OTUD7B: variants seen among roughly 807,000 people sequenced by gnomAD.
OTUD7B encodes the protein OTU domain-containing protein 7B.
In OTUD7B, 34 loss-of-function variants were observed where a neutral mutation model predicts 82.2. The ratio of observed to expected loss-of-function variants is 0.41; its 90% CI spans 0.31 to 0.55. OTUD7B has a LOEUF of 0.55. Ranked by LOEUF, OTUD7B falls within the 20% of genes least tolerant of loss-of-function variation. The probability of loss-of-function intolerance (pLI) is 0.20; values close to 1 mark genes in which losing one functional copy is unlikely to be tolerated. For synonymous variants in OTUD7B, 398 were observed against 402.7 expected, an observed-to-expected ratio of 0.99 and a Z score of 0.14; for missense variants, 944 against 1,062.1, an observed-to-expected ratio of 0.89 and a Z score of 1.55.
At chr1:149,986,996 A>G (rs1651195394) in intron 1 of OTUD7B, among the ~76,000 whole-genome samples, 1 of 152,226 alleles carries the variant, frequency 6.6e-6, no homozygotes, top group Non-Finnish European at 1.5e-5. Context: ...ACTAAATGTT[A>G]CAATCCAGAA....
At chr1:149,951,995 CCCAA>C (rs1553773579) in intron 7 of OTUD7B, among the ~76,000 whole-genome samples, 13 of 151,834 alleles carry the variant, frequency 8.6e-5, no homozygotes, top group Admixed American at 2.0e-4. Flanking sequence ...CAGGAATGCA[CCCAA>C]AGCTACTCCT....
At chr1:149,959,003 C>G (rs1648935362) in intron 7 of OTUD7B, among the ~76,000 whole-genome samples, 1 of 151,914 alleles carries the variant, frequency 6.6e-6, no homozygotes, top group South Asian at 2.1e-4. Context: ...GGGTGGATCA[C>G]TTGAGGCCAG....
At chr1:150,000,346 G>C (rs111682148) in intron 1 of OTUD7B, among the ~76,000 whole-genome samples, 1 of 151,936 alleles carries the variant, frequency 6.6e-6, no homozygotes, top group African/African-American at 2.4e-5. Flanking sequence ...GTGGTAGCGC[G>C]CACCTGTAGT....
intron 3 of OTUD7B, among the ~76,000 whole-genome samples, chr1:149,969,906 A>T (rs1445380868): frequency 6.6e-6 from 1 of 151,932 alleles, no homozygotes; most frequent in Non-Finnish European, 1.5e-5. Context: ...TTCACCATGT[A>T]GGCCAGGCTG....
chr1:150,066,990 G>A, the OTUD7B span: 16,112 of 152,228 alleles, frequency 0.11, 1,201 homozygotes, highest in Non-Finnish European at 0.16. This position sits in a 1 kb window ranked among gnomAD's most constrained non-coding sequence, Gnocchi z 4.6. Flanking sequence ...GAGTCCCGCC[G>A]GAGTTAGAGC....
the OTUD7B span, among the ~76,000 whole-genome samples, chr1:150,040,713 C>CTTTTTTTT: frequency 2.1e-5 from 3 of 145,462 alleles, 1 homozygote; most frequent in Admixed American, 6.9e-5. Flanking sequence ...CTTTTCTTTC[C>CTTTTTTTT]TTTTTTTTTT....
At chr1:150,041,153 A>C in the OTUD7B span, among the ~76,000 whole-genome samples, 22,729 of 151,912 alleles carry the variant, frequency 0.15, 1,868 homozygotes, top group African/African-American at 0.18. Context: ...ATTTTTTTTA[A>C]TATCTTAGAT....
At chr1:150,013,261 G>A (rs1301440616), upstream of OTUD7B, among the ~76,000 whole-genome samples, 1 of 152,204 alleles carries the variant, frequency 6.6e-6, no homozygotes, top group Admixed American at 6.5e-5. Context: ...TCTAAGGGCT[G>A]CTTCAAGGAG....
At chr1:150,020,866 C>G in the OTUD7B span, among the ~76,000 whole-genome samples, 2 of 152,140 alleles carry the variant, frequency 1.3e-5, no homozygotes, top group African/African-American at 2.4e-5. Flanking sequence ...TAAATAACAA[C>G]TGACACTTGT....
intron 1 of OTUD7B, among the ~76,000 whole-genome samples, chr1:149,998,525 T>A (rs892506668): frequency 1.4e-4 from 21 of 152,242 alleles, no homozygotes; most frequent in African/African-American, 4.6e-4. Context: ...CCACCTTGAA[T>A]GTTTCCCCGC....
chr1:149,949,260 A>G lies in OTUD7B; in HGVS notation c.1124-177T>C, dbSNP rs1648000928. Among the ~76,000 whole-genome samples the G allele has an allele frequency of 2.6e-5, 4 of 152,246 alleles. No homozygotes were observed. In the South Asian group the frequency reaches 6.2e-4, roughly 24 times the overall value. On this transcript the variant is annotated intron_variant, in intron 9 of 11. Coordinates refer to ENST00000581312, the MANE Select transcript of OTUD7B (RefSeq NM_020205.4). Reference sequence around the variant, plus strand: ...GCTAGTTTTCCCGCTACCACGCAGCATATGTTTTAGGCCACAAATCTCCCT... The same window carrying G: ...GCTAGTTTTCCCGCTACCACGCAGCGTATGTTTTAGGCCACAAATCTCCCT...
chr1:149,984,307 T>C (rs1044414689), intron 1 of OTUD7B, among the ~76,000 whole-genome samples: 3 of 152,178 alleles, frequency 2.0e-5, no homozygotes, highest in Non-Finnish European at 4.4e-5. Context: ...TCCTATTTGT[T>C]GGCGGTTACT....
chr1:149,956,973 G>T (rs980439087), intron 7 of OTUD7B, among the ~76,000 whole-genome samples: 1 of 152,118 alleles, frequency 6.6e-6, no homozygotes, highest in African/African-American at 2.4e-5. Flanking sequence ...TTTGCGATGG[G>T]TTCGAACATC....
At position 149,943,981 on chromosome 1, in the gene OTUD7B, T is replaced by C. The variant is rs1647457526; in HGVS notation, c.2408A>G (p.Lys803Arg). Residue 803 changes from lysine (K) to arginine (R), a missense_variant, in exon 12 of 12, where the codon AAA (lysine) becomes AGA (arginine). Lys to Arg is a conservative substitution (Grantham distance 26, BLOSUM62 2). Around this residue, in one of 3 missense-constraint regions of OTUD7B, gnomAD observed 412 missense variants for 418.7 expected, o/e 0.98. Coordinates refer to ENST00000581312, the MANE Select transcript of OTUD7B (RefSeq NM_020205.4). Reference protein sequence around the residue: ...RGLPPTQTKCKQPNCSFYGHP... With the variant: ...RGLPPTQTKCRQPNCSFYGHP... ...TCCATAGAAGCTGCAGTTCGGTTGT[T>C]TGCATTTGGTCTGAGTTGGGGGAAG... 1.2e-6 allele frequency: 2 copies of C among 1,614,112 alleles called. No individual in the cohort carries two copies. The highest frequency in any genetic ancestry group is 2.2e-5 in the East Asian group (1 of 44,896).
intron 1 of OTUD7B, among the ~76,000 whole-genome samples, chr1:149,980,529 A>G (rs966591597): frequency 1.4e-5 from 2 of 147,258 alleles, no homozygotes; most frequent in African/African-American, 2.5e-5. Flanking sequence ...GAAACCAGCC[A>G]GGCCAACATG....
At chr1:149,959,525 C>A (rs934936540) in intron 7 of OTUD7B, among the ~76,000 whole-genome samples, 159 bp downstream of exon 7, 4 of 152,158 alleles carry the variant, frequency 2.6e-5, no homozygotes, top group African/African-American at 9.7e-5. Context: ...ACCTGTAGTT[C>A]CTAAACATAT....
the OTUD7B span, among the ~76,000 whole-genome samples, chr1:150,062,708 CT>C: frequency 9.4e-5 from 9 of 96,058 alleles, no homozygotes; most frequent in African/African-American, 3.2e-4. Context: ...CTTCTTCTTT[CT>C]TTTTTTTTTT....
chr1:150,025,432 AACACACACACACACACACAC>A, the OTUD7B span, among the ~76,000 whole-genome samples: 2 of 146,906 alleles, frequency 1.4e-5, no homozygotes, highest in South Asian at 4.4e-4. Flanking sequence ...AAGCAAACAA[AACACACACACACACACACAC>A]ACACACACAC....
chr1:150,064,377 T>C, the OTUD7B span, among the ~76,000 whole-genome samples: 2 of 152,056 alleles, frequency 1.3e-5, no homozygotes, highest in Non-Finnish European at 2.9e-5. Context: ...CTCTTCTCTT[T>C]TTTCTTTTCT....
Sources: allele counts gnomAD v4.1 joint callset (sites outside exome capture counted in the v4.1 genomes callset), GRCh38; gene constraint gnomAD v4.1.1; regional missense constraint gnomAD v4.1.1; non-coding constraint Gnocchi (gnomAD v3.1); transcripts MANE v1.5; gene names NCBI Gene and HGNC (gene_info 2026-07-23, HGNC 2026-07-21).